Variants in CCSER1 observed in about 807,000 individuals in gnomAD.
CCSER1 encodes the protein serine-rich coiled-coil domain-containing protein 1.
Under a neutral mutation model 82.0 loss-of-function variants are expected in CCSER1, and 41 were observed. The observed-to-expected ratio is 0.50, with a 90% CI of 0.39 to 0.65. The LOEUF is 0.65. CCSER1 is among the 30% of genes least tolerant of loss of function. The pLI, the probability that CCSER1 is intolerant of heterozygous loss-of-function variation, is 0.00. For missense variants in CCSER1, 1,119 were observed against 1,064.2 expected (o/e 1.05, Z -0.72); for synonymous variants, 414 against 383.9 (o/e 1.08, Z -0.92).
chr4:90,661,940 T>C (rs1022424426), intron 6 of CCSER1, among the ~76,000 whole-genome samples: 2 of 151,776 alleles, frequency 1.3e-5, no homozygotes, highest in African/African-American at 4.8e-5. Context: ...TGCTGTGTGA[T>C]AGTTGACAAG....
intron 10 of CCSER1, among the ~76,000 whole-genome samples, chr4:91,458,703 T>A (rs1756334731): frequency 6.6e-6 from 1 of 152,192 alleles, no homozygotes; most frequent in Admixed American, 6.5e-5. Flanking sequence ...GCTTTACAGT[T>A]TTAATTGTAT....
chr4:91,425,177 A>G (rs1453342923), intron 10 of CCSER1, among the ~76,000 whole-genome samples: 1 of 152,164 alleles, frequency 6.6e-6, no homozygotes, highest in Non-Finnish European at 1.5e-5. Flanking sequence ...CTTAAGAGAA[A>G]GAAGATAATT....
At chr4:90,599,113 A>AG (rs1279626873) in intron 5 of CCSER1, among the ~76,000 whole-genome samples, 1 of 152,086 alleles carries the variant, frequency 6.6e-6, no homozygotes, top group Non-Finnish European at 1.5e-5. Flanking sequence ...AGCTGTGCTC[A>AG]GGAACTGTAA....
At chr4:90,634,041 C>G (rs1208290830) in intron 6 of CCSER1, among the ~76,000 whole-genome samples, 1 of 151,348 alleles carries the variant, frequency 6.6e-6, no homozygotes, top group Non-Finnish European at 1.5e-5. Flanking sequence ...TTTTTTTCTT[C>G]TTTTTCTTAA....
rs11933842 is a variant in CCSER1, at chr4:90,440,476, A to G, written c.1604-27758A>G. 8.0e-3 allele frequency among the ~76,000 whole-genome samples: 1,213 copies of G among 152,288 alleles called. 13 individuals carry two copies. Among genetic ancestry groups the G allele is most frequent in the African/African-American group, 0.027 (1,122 of 41,558 alleles). On this transcript the variant is annotated intron_variant, in intron 4 of 10. Transcript: ENST00000509176. ...GTATTCAGGGAGGTAAAGAAAGGCA[A>G]TGGCTTAGGAGGATTACATAATTGT... is the stretch of plus-strand genomic sequence containing the variant.
chr4:90,670,450 C>T (rs1021349659), intron 6 of CCSER1, among the ~76,000 whole-genome samples: 3 of 152,030 alleles, frequency 2.0e-5, no homozygotes, highest in Admixed American at 1.3e-4. Flanking sequence ...TGACTTTTAC[C>T]ATATAATTGT....
At chr4:90,188,618 G>A (rs1461860780) in intron 1 of CCSER1, among the ~76,000 whole-genome samples, 1 of 151,784 alleles carries the variant, frequency 6.6e-6, no homozygotes, top group Non-Finnish European at 1.5e-5. Context: ...CTATAGTTTT[G>A]TGAAATGTTA....
At chr4:91,156,218 A>T (rs1393714660) in intron 10 of CCSER1, among the ~76,000 whole-genome samples, 2 of 151,834 alleles carry the variant, frequency 1.3e-5, no homozygotes, top group African/African-American at 4.8e-5. Flanking sequence ...GTATCCCATT[A>T]CAATAATTAG....
chr4:91,271,683 T>TAC (rs898603403), intron 10 of CCSER1, among the ~76,000 whole-genome samples: 3 of 151,978 alleles, frequency 2.0e-5, no homozygotes, highest in African/African-American at 7.3e-5. Flanking sequence ...ATGATATATA[T>TAC]ACACACACAT....
intron 10 of CCSER1, among the ~76,000 whole-genome samples, chr4:91,574,940 G>A (rs1373838680): frequency 6.6e-6 from 1 of 151,682 alleles, no homozygotes; most frequent in Non-Finnish European, 1.5e-5. Flanking sequence ...CAAAGCTGGA[G>A]GCATTGCACT....
intron 7 of CCSER1, among the ~76,000 whole-genome samples, chr4:90,771,731 G>T (rs1752211629): frequency 6.6e-6 from 1 of 151,878 alleles, no homozygotes. Flanking sequence ...TCTTGATATT[G>T]GCATGGGAAA....
At chr4:90,169,998 C>T (rs1731322082) in intron 1 of CCSER1, among the ~76,000 whole-genome samples, 1 of 151,776 alleles carries the variant, frequency 6.6e-6, no homozygotes, top group African/African-American at 2.4e-5. Context: ...CTTATGTCAC[C>T]TAGATAGATA....
chr4:91,161,551 C>T (rs994418580), intron 10 of CCSER1, among the ~76,000 whole-genome samples: 1 of 152,110 alleles, frequency 6.6e-6, no homozygotes, highest in African/African-American at 2.4e-5. Context: ...AATATTCTTC[C>T]ATTTGTTTGT....
At chr4:90,423,917 T>A (rs540140186) in intron 4 of CCSER1, among the ~76,000 whole-genome samples, 1 of 151,666 alleles carries the variant, frequency 6.6e-6, no homozygotes, top group South Asian at 2.1e-4. Context: ...TGGTGAAACC[T>A]TGTCTCTACT....
intron 5 of CCSER1, among the ~76,000 whole-genome samples, chr4:90,525,492 T>A (rs1191483515): frequency 6.6e-6 from 1 of 152,094 alleles, no homozygotes; most frequent in African/African-American, 2.4e-5. Flanking sequence ...AAAAGGAAAA[T>A]AGTTAACAAA....
At chr4:91,232,610 T>C (rs887743608) in intron 10 of CCSER1, among the ~76,000 whole-genome samples, 1 of 151,796 alleles carries the variant, frequency 6.6e-6, no homozygotes, top group African/African-American at 2.4e-5. Flanking sequence ...TTTCATGGTA[T>C]GTAAATTTAT....
At chr4:90,381,038 A>G (rs779210032) in intron 3 of CCSER1, among the ~76,000 whole-genome samples, 1 of 152,228 alleles carries the variant, frequency 6.6e-6, no homozygotes, top group Non-Finnish European at 1.5e-5. Flanking sequence ...TGGCCCAGCC[A>G]GTGTCAAAAT....
chr4:91,364,110 G>A (rs1297248653), intron 10 of CCSER1, among the ~76,000 whole-genome samples: 2 of 152,058 alleles, frequency 1.3e-5, no homozygotes, highest in Non-Finnish European at 2.9e-5. Flanking sequence ...AATTATGAAT[G>A]TTATAGTCAA....
At chr4:90,762,197 TAGTA>T (rs747445058) in intron 7 of CCSER1, among the ~76,000 whole-genome samples, 6 of 152,058 alleles carry the variant, frequency 3.9e-5, no homozygotes, top group South Asian at 2.1e-4. Context: ...GTTCTTGTGA[TAGTA>T]AGTGAGTTCT....
Sources: allele counts gnomAD v4.1 joint callset (sites outside exome capture counted in the v4.1 genomes callset), GRCh38; gene constraint gnomAD v4.1.1; transcripts MANE v1.5; gene names NCBI Gene and HGNC (gene_info 2026-07-23, HGNC 2026-07-21).